PDZD2: variants seen among roughly 807,000 people sequenced by gnomAD.
PDZD2 encodes the protein PDZ domain containing 2.
In PDZD2, 90 loss-of-function variants were observed where a neutral mutation model predicts 220.7. The ratio of observed to expected loss-of-function variants is 0.41; its 90% CI spans 0.34 to 0.49. The LOEUF is 0.49. Ranked by LOEUF, PDZD2 falls within the 20% of genes least tolerant of loss-of-function variation. The pLI is 0.28. For missense variants in PDZD2, 3,174 were observed against 3,608.5 expected (o/e 0.88, Z 3.08); for synonymous variants, 1,375 against 1,450.5 (o/e 0.95, Z 1.18).
intron 1 of PDZD2, among the ~76,000 whole-genome samples, chr5:31,691,044 T>G (rs1324949596): frequency 1.3e-5 from 2 of 152,222 alleles, no homozygotes; most frequent in African/African-American, 4.8e-5. Context: ...GGGTTCTTGG[T>G]CTCACTGACT....
chr5:31,999,032 G>T (rs146603978), intron 4 of PDZD2, among the ~76,000 whole-genome samples: 1 of 152,386 alleles, frequency 6.6e-6, no homozygotes, highest in Non-Finnish European at 1.5e-5. Flanking sequence ...CTCTGGCACA[G>T]TGTGCCATGC....
intron 2 of PDZD2, chr5:31,840,413 TATATATATATATATATATATATATA>T: frequency 1.2e-5 from 1 of 84,268 alleles, no homozygotes; most frequent in South Asian, 4.3e-4. Flanking sequence ...TATATATATA[TATATATATATATATATATATATATA>T]TATATATATA....
intron 2 of PDZD2, among the ~76,000 whole-genome samples, chr5:31,914,031 C>G (rs1014165287): frequency 6.6e-6 from 1 of 152,156 alleles, no homozygotes; most frequent in Non-Finnish European, 1.5e-5. Context: ...GTGTCTGTAA[C>G]TCTTCAGTGG....
chr5:32,101,010 A>C (rs1744209075), intron 23 of PDZD2, 95 bp from the exon 24 acceptor site: 1 of 1,590,848 alleles, frequency 6.3e-7, no homozygotes, highest in African/African-American at 1.3e-5. Context: ...TGCCAGAAGT[A>C]CATGGGGCTG....
chr5:31,737,420 C>T (rs1367906142), intron 1 of PDZD2, among the ~76,000 whole-genome samples: 2 of 152,096 alleles, frequency 1.3e-5, no homozygotes, highest in Admixed American at 1.3e-4. Context: ...GATCCGCCCG[C>T]CTTGGCCTCC....
intron 2 of PDZD2, among the ~76,000 whole-genome samples, chr5:31,947,781 C>T (rs1280219920): frequency 6.6e-6 from 1 of 151,998 alleles, no homozygotes; most frequent in Non-Finnish European, 1.5e-5. Flanking sequence ...GGCACCACTG[C>T]ATTCCAGCCT....
chr5:31,661,252 T>G (rs997303777), intron 1 of PDZD2: 4 of 152,226 alleles, frequency 2.6e-5, no homozygotes, highest in South Asian at 2.1e-4. Flanking sequence ...TCCTGGGTTT[T>G]ATTTTACAAA....
chr5:32,100,896 A>G, intron 23 of PDZD2: 2 of 1,587,594 alleles, frequency 1.3e-6, no homozygotes, highest in South Asian at 2.2e-5. Context: ...TACAGCAGCA[A>G]CACAGCCAGG....
chr5:31,701,807 A>G (rs1747621238), intron 1 of PDZD2, among the ~76,000 whole-genome samples: 1 of 152,212 alleles, frequency 6.6e-6, no homozygotes, highest in African/African-American at 2.4e-5. Flanking sequence ...GCGCCGACAC[A>G]CGAGAATAGT....
chr5:31,779,883 T>C (rs1231699999), intron 1 of PDZD2, among the ~76,000 whole-genome samples: 1 of 152,162 alleles, frequency 6.6e-6, no homozygotes, highest in African/African-American at 2.4e-5. Context: ...TGTATTTTCT[T>C]GCCCACTTTG....
At chr5:31,667,484 G>A (rs1302200528) in intron 1 of PDZD2, among the ~76,000 whole-genome samples, 1 of 152,110 alleles carries the variant, frequency 6.6e-6, no homozygotes, top group Non-Finnish European at 1.5e-5. Context: ...GGATGGAGGG[G>A]ACCTTGCTGG....
rs556276502 is a variant in PDZD2, at chr5:32,014,706, C to CTTTTTTTTTTTTTTTTTTTTTTTTTTT, written c.1407+4226_1407+4252dup. 1.8e-4 allele frequency among the ~76,000 whole-genome samples: 17 copies of CTTTTTTTTTTTTTTTTTTTTTTTTTTT among 95,430 alleles called. 7 individuals are homozygous for CTTTTTTTTTTTTTTTTTTTTTTTTTTT. Among genetic ancestry groups the CTTTTTTTTTTTTTTTTTTTTTTTTTTT allele is most frequent in the African/African-American group, 7.0e-4 (16 of 22,906 alleles). The allele number at this position is 95,430 out of a possible 152,430, so 62.6% of individuals were successfully genotyped here. ...ATTTTCTGCTCTGCAATGACAATTT[C>CTTTTTTTTTTTTTTTTTTTTTTTTTTT]TTTTTTTTTTTTTTTTTTTTTTTTT... On this transcript the variant is annotated intron_variant, in intron 6 of 24. Coordinates refer to ENST00000438447, the MANE Select transcript of PDZD2 (RefSeq NM_178140.4).
At chr5:32,069,027 G>C (rs887357865) in intron 14 of PDZD2, among the ~76,000 whole-genome samples, 1 of 152,110 alleles carries the variant, frequency 6.6e-6, no homozygotes, top group Non-Finnish European at 1.5e-5. Context: ...CAGCACTTTG[G>C]GGGGCCGAGG....
chr5:31,912,918 T>G (rs1743333239), intron 2 of PDZD2, among the ~76,000 whole-genome samples: 1 of 151,564 alleles, frequency 6.6e-6, no homozygotes, highest in South Asian at 2.1e-4. Context: ...GGATAACAAA[T>G]GTACCCAGTG....
chr5:31,898,985 C>T (rs369057581), intron 2 of PDZD2, among the ~76,000 whole-genome samples: 1 of 151,422 alleles, frequency 6.6e-6, no homozygotes, highest in African/African-American at 2.4e-5. Context: ...CCGCCACCAC[C>T]CCCAGCTATT....
intron 14 of PDZD2, among the ~76,000 whole-genome samples, chr5:32,067,433 GA>G (rs1287539882): frequency 6.6e-6 from 1 of 152,170 alleles, no homozygotes; most frequent in African/African-American, 2.4e-5. Context: ...CTACTATGTG[GA>G]GGGGGGTGTG....
chr5:31,895,750 C>G (rs1741490876), intron 2 of PDZD2, among the ~76,000 whole-genome samples: 1 of 152,134 alleles, frequency 6.6e-6, no homozygotes, highest in South Asian at 2.1e-4. Flanking sequence ...GAAGGCGCCT[C>G]TACCTTTTCC....
At position 31,955,489 on chromosome 5, in the gene PDZD2, C is replaced by T. The variant is rs533645622; in HGVS notation, c.477-27666C>T. Among the ~76,000 whole-genome samples, 27 of 151,716 alleles carry T rather than the reference C, an allele frequency of 1.8e-4. 1 individual carries two copies. The highest frequency in any genetic ancestry group is 1.4e-3 in the Admixed American group (21 of 15,248). ...CTAATTTTTGTATTTTTAGTAGAGA[C>T]GGGGTTTTACCATGTTGGCCAGGCT... is the stretch of plus-strand genomic sequence containing the variant. On this transcript the variant is annotated intron_variant, in intron 2 of 24. Transcript: ENST00000438447.
At chr5:32,085,375 ATGTATCATGTCTT>A (rs1411096632) in intron 19 of PDZD2, among the ~76,000 whole-genome samples, 1 of 150,070 alleles carries the variant, frequency 6.7e-6, no homozygotes, top group Non-Finnish European at 1.5e-5. Context: ...ATCACATCAA[ATGTATCATGTCTT>A]TGTGGTAGGA....
Sources: gnomAD v4.1 joint callset for allele counts (sites outside exome capture counted in the v4.1 genomes callset) on GRCh38, gnomAD v4.1.1 for gene constraint, MANE v1.5 for transcripts, NCBI Gene and HGNC (gene_info 2026-07-23, HGNC 2026-07-21) for gene names.